The following RAD51B variants were observed in gnomAD, a reference collection of about 807,000 sequenced individuals.
RAD51B encodes DNA repair protein RAD51 homolog 2.
A neutral mutation model predicts 42.2 loss-of-function variants in RAD51B; 38 were observed. The observed-to-expected ratio is 0.90, with a 90% CI of 0.70 to 1.18. The LOEUF is 1.18. Among genes scored for constraint, RAD51B ranks in the 50% most tolerant of loss-of-function variants. The pLI, the probability that RAD51B is intolerant of heterozygous loss-of-function variation, is 0.00. For synonymous variants in RAD51B, 154 were observed against 145.2 expected (o/e 1.06, Z -0.43); for missense variants, 373 against 400.7 (o/e 0.93, Z 0.59).
At position 68,647,459 on chromosome 14, in the gene RAD51B, GT is replaced by G. The variant is rs570243618; in HGVS notation, c.1037-3314del. Reference sequence around the variant, plus strand: ...TAGTCTCTTCTTATTTTTCTAAGAGGTTTTTTTTAAGTCAGGAAATACTTGA... The same window carrying G: ...TAGTCTCTTCTTATTTTTCTAAGAGGTTTTTTTAAGTCAGGAAATACTTGA... On this transcript the variant is annotated intron_variant, in intron 10 of 11. Coordinates refer to the RAD51B transcript ENST00000488612. Among the ~76,000 whole-genome samples, 187 of 151,802 alleles carry G rather than the reference GT, an allele frequency of 1.2e-3. 1 individual carries two copies. Among genetic ancestry groups the G allele is most frequent in the African/African-American group, 4.4e-3 (181 of 41,370 alleles).
At chr14:68,622,342 T>C (rs1891967637) in intron 10 of RAD51B, among the ~76,000 whole-genome samples, 2 of 152,108 alleles carry the variant, frequency 1.3e-5, no homozygotes, top group Admixed American at 1.3e-4. Context: ...TGGGTCAGGA[T>C]TGGTGCTGAT....
At chr14:67,955,044 G>T (rs1036033768) in intron 7 of RAD51B, among the ~76,000 whole-genome samples, 26 of 152,062 alleles carry the variant, frequency 1.7e-4, no homozygotes, top group Admixed American at 1.6e-3. Flanking sequence ...AAAAGATAAG[G>T]CCATTGGCCA....
chr14:68,428,608 G>A (rs12897307), intron 9 of RAD51B, among the ~76,000 whole-genome samples: 126,745 of 150,084 alleles, frequency 0.84, 53,690 homozygotes, highest in East Asian at 0.97. Context: ...TAGATACCTC[G>A]TAAGTGGACT....
At chr14:67,897,398 A>G (rs2043456756) in intron 7 of RAD51B, among the ~76,000 whole-genome samples, 2 of 152,220 alleles carry the variant, frequency 1.3e-5, no homozygotes, top group South Asian at 4.1e-4. Context: ...ACTCAATAGT[A>G]AAACAAGAAC....
chr14:68,322,639 T>C (rs2082176791), intron 8 of RAD51B, among the ~76,000 whole-genome samples: 17 of 152,184 alleles, frequency 1.1e-4, no homozygotes, highest in Admixed American at 1.0e-3. Context: ...GATTAGGAAA[T>C]AGTTGGCCTA....
chr14:68,373,650 G>A (rs1392735641), intron 8 of RAD51B, among the ~76,000 whole-genome samples: 1 of 152,130 alleles, frequency 6.6e-6, no homozygotes, highest in East Asian at 1.9e-4. Flanking sequence ...GGGAGCATTA[G>A]GACAAATACC....
chr14:67,915,491 TG>T (rs1203498459), intron 7 of RAD51B, among the ~76,000 whole-genome samples: 1 of 152,214 alleles, frequency 6.6e-6, no homozygotes, highest in Admixed American at 6.5e-5. Flanking sequence ...CTAGCTTTAT[TG>T]GCTTTTATCA....
At chr14:68,194,530 G>A (rs949848737) in intron 7 of RAD51B, among the ~76,000 whole-genome samples, 16 of 152,226 alleles carry the variant, frequency 1.1e-4, no homozygotes, top group Admixed American at 5.2e-4. Flanking sequence ...GGCCAGGGAC[G>A]GATTACTGTG....
chr14:68,255,184 C>T (rs769319970), intron 7 of RAD51B, among the ~76,000 whole-genome samples: 8 of 151,860 alleles, frequency 5.3e-5, no homozygotes, highest in African/African-American at 7.3e-5. Flanking sequence ...TAATATCTTA[C>T]GGAGTTTGTG....
chr14:67,858,782 C>T (rs2042075798), intron 4 of RAD51B, among the ~76,000 whole-genome samples: 1 of 152,226 alleles, frequency 6.6e-6, no homozygotes, highest in South Asian at 2.1e-4. Context: ...CCCTATCTGC[C>T]TAGGCATTTC....
chr14:68,657,718 T>C (rs535477288), intron 11 of RAD51B, among the ~76,000 whole-genome samples: 2 of 152,358 alleles, frequency 1.3e-5, no homozygotes, highest in African/African-American at 4.8e-5. Context: ...TTGTTTCTCC[T>C]TAGTGTGTGG....
At chr14:68,559,484 G>A (rs1167109243) in intron 10 of RAD51B, among the ~76,000 whole-genome samples, 2 of 151,128 alleles carry the variant, frequency 1.3e-5, no homozygotes, top group South Asian at 2.1e-4. Context: ...AGGTTCAAGT[G>A]ACCCTCCTGC....
intron 9 of RAD51B, among the ~76,000 whole-genome samples, chr14:68,427,699 CAT>C (rs1312074279): frequency 3.3e-5 from 5 of 152,294 alleles, no homozygotes; most frequent in Non-Finnish European, 5.9e-5. Flanking sequence ...GAGTCTCACT[CAT>C]ATATGATTTA....
At chr14:67,960,548 G>A (rs2074642709) in intron 7 of RAD51B, among the ~76,000 whole-genome samples, 1 of 152,156 alleles carries the variant, frequency 6.6e-6, no homozygotes, top group African/African-American at 2.4e-5. Flanking sequence ...AGATATAGCA[G>A]TTTACCCACA....
intron 8 of RAD51B, among the ~76,000 whole-genome samples, chr14:68,353,589 A>C (rs2082834133): frequency 6.6e-6 from 1 of 152,134 alleles, no homozygotes; most frequent in Non-Finnish European, 1.5e-5. Context: ...TGAGATGAAA[A>C]ATCAGGGCTG....
At chr14:68,471,575 A>AGGC (rs2086126199) in intron 10 of RAD51B, among the ~76,000 whole-genome samples, 1 of 151,952 alleles carries the variant, frequency 6.6e-6, no homozygotes, top group Non-Finnish European at 1.5e-5. Flanking sequence ...ATAAAGCGGC[A>AGGC]GGCTGGAGAG....
At chr14:67,944,663 T>G (rs1016629058) in intron 7 of RAD51B, among the ~76,000 whole-genome samples, 11 of 152,244 alleles carry the variant, frequency 7.2e-5, no homozygotes, top group East Asian at 3.8e-4. Flanking sequence ...CTTTTCTAGG[T>G]AAATAAACTA....
chr14:67,896,546 G>A (rs925401457), intron 7 of RAD51B, among the ~76,000 whole-genome samples: 2 of 152,158 alleles, frequency 1.3e-5, no homozygotes, highest in African/African-American at 4.8e-5. Context: ...GATATTCTAT[G>A]TTATGATTTT....
chr14:67,952,164 C>T (rs752015531), intron 7 of RAD51B, among the ~76,000 whole-genome samples: 17 of 151,318 alleles, frequency 1.1e-4, no homozygotes, highest in Non-Finnish European at 2.4e-4. Context: ...CCTCAGGTAA[C>T]CAATTGTTAC....
Sources: allele counts gnomAD v4.1 joint callset (sites outside exome capture counted in the v4.1 genomes callset), GRCh38; gene constraint gnomAD v4.1.1; transcripts MANE v1.5; gene names NCBI Gene and HGNC (gene_info 2026-07-23, HGNC 2026-07-21).